The following CTSA variants were observed in gnomAD, a reference collection of about 807,000 sequenced individuals.
CTSA encodes the protein cathepsin A, also known as lysosomal protective protein.
CTSA carries 42 observed loss-of-function variants against 66.7 expected under a neutral mutation model. The observed-to-expected ratio is 0.63, with a 90% CI of 0.49 to 0.81. The LOEUF (loss-of-function observed/expected upper bound fraction) is 0.81, where lower values mean the gene tolerates loss of function less well. Among genes scored for constraint, CTSA ranks in the 40% least tolerant of loss-of-function variants. The pLI is 0.00. For missense variants in CTSA, 525 were observed against 610.9 expected, an observed-to-expected ratio of 0.86 and a Z score of 1.48; for synonymous variants, 225 against 248.6, an observed-to-expected ratio of 0.91 and a Z score of 0.89.
chr20:45,892,127 A>C, intron 3 of CTSA, 100 bp downstream of exon 3: 1 of 1,449,158 alleles, frequency 6.9e-7, no homozygotes, highest in Non-Finnish European at 9.7e-7. Flanking sequence ...CTTCCTTCTA[A>C]GCCTCGGGAT....
At chr20:45,896,925 G>A (rs1396700620) in intron 11 of CTSA, 40 bp from the exon 12 acceptor site, 4 of 1,561,568 alleles carry the variant, frequency 2.6e-6, no homozygotes, top group South Asian at 1.1e-5. Context: ...TTTTCGCCCC[G>A]ACCTGGTCTT....
In CTSA at chr20:45,894,904, G is replaced by A. The variant is rs764770095; in HGVS notation, c.948+3G>A. ...CACTCAAGCGGATGTGGCATCAGGT[G>A]TGCGAGGGCGTGGGCTTCCTCCTGG... is the stretch of plus-strand genomic sequence containing the variant. On this transcript the variant is annotated splice_donor_region_variant and intron_variant, in intron 10 of 14. Coordinates refer to ENST00000646241, the MANE Select transcript of CTSA (RefSeq NM_000308.4). The A allele has an allele frequency of 9.9e-6, 16 of 1,614,054 alleles. No individual in the cohort carries two copies. The highest frequency in any genetic ancestry group is 5.0e-5 in the Admixed American group (3 of 59,996).
chr20:45,897,814 A>G lies in CTSA; in HGVS notation c.1254+8A>G. 1.3e-6 allele frequency: 2 copies of G among 1,599,558 alleles called. No homozygotes were observed. The highest frequency in any genetic ancestry group is 1.7e-6 in the Non-Finnish European group (2 of 1,166,804). ...GATTCCCTCAACCAGAAGGTAAGGT[A>G]GAGATTCCTGGCCCTGGGATAGGGG... On this transcript the variant is annotated splice_region_variant and intron_variant, in intron 13 of 14. Transcript: ENST00000646241.
At chr20:45,893,414 G>T (rs1212928295) in intron 7 of CTSA, 103 bp downstream of exon 7, 1 of 865,034 alleles carries the variant, frequency 1.2e-6, no homozygotes, top group Non-Finnish European at 2.0e-6. Context: ...CCAGGTTTAT[G>T]AGCAGCAGGT....
At chr20:45,897,161 G>C (rs941795550) in intron 12 of CTSA, 121 bp downstream of exon 12, 48 of 850,018 alleles carry the variant, frequency 5.6e-5, no homozygotes, top group Non-Finnish European at 9.1e-5. Flanking sequence ...GAAAGGCGAA[G>C]CCCAGGGTCC....
Position 45,893,974 on chromosome 20 carries a change from C to A in CTSA, c.693-14C>A. 6.4e-7 allele frequency: 1 copy of A among 1,570,260 alleles called. No individual in the cohort carries two copies. The highest frequency in any genetic ancestry group is 8.8e-7 in the Non-Finnish European group (1 of 1,140,672). ...ACCAGCAGCTGATGCGCTTTTCACTCTCATCTCCTACAGGCTTTGGTCTTC... is the reference window on the plus strand; with the variant it reads ...ACCAGCAGCTGATGCGCTTTTCACTATCATCTCCTACAGGCTTTGGTCTTC... On this transcript the variant is annotated splice_polypyrimidine_tract_variant and intron_variant, in intron 7 of 14. Coordinates refer to ENST00000646241, the MANE Select transcript of CTSA (RefSeq NM_000308.4).
At chr20:45,894,155 T>A (rs1987117441) in intron 8 of CTSA, 83 bp downstream of exon 8, 1 of 978,950 alleles carries the variant, frequency 1.0e-6, no homozygotes, top group Non-Finnish European at 1.7e-6. Flanking sequence ...GGGGACTCCT[T>A]GTTCTCCGTC....
chr20:45,895,346 G>A, intron 11 of CTSA: 1 of 579,822 alleles, frequency 1.7e-6, no homozygotes, highest in South Asian at 2.1e-5. Flanking sequence ...TTTGAGACAA[G>A]GTCTCACTCT....
rs2083133497 is a variant in CTSA, at chr20:45,898,218, GC to G, written c.1359+113del. 2.2e-6 allele frequency: 3 copies of G among 1,367,554 alleles called. No individual in the cohort carries two copies. Among genetic ancestry groups the G allele is most frequent in the Admixed American group, 1.9e-5 (1 of 52,008 alleles). The allele number at this position is 1,367,554 out of a possible 1,614,324, so 84.7% of individuals were successfully genotyped here. A position where few individuals can be genotyped will look rare whatever the true frequency, so the allele number is the denominator to read the frequency against. On this transcript the variant is annotated intron_variant, in intron 14 of 14. Transcript: ENST00000646241. The surrounding 1 kb of genome is among the most constrained non-coding windows in gnomAD (Gnocchi z 4.6). ...AGGCTGGGTCATGGGTCACCATCTG[GC>G]CCCTGTATGGGCAAGTTTTTTTGGA...
In CTSA at chr20:45,892,262, T is replaced by C; in HGVS notation, c.307-11T>C. On this transcript the variant is annotated splice_polypyrimidine_tract_variant and intron_variant, in intron 3 of 14. Coordinates refer to ENST00000646241, the MANE Select transcript of CTSA (RefSeq NM_000308.4). ...CCTTGGGACTTACTCAGCCATCTCT[T>C]TCCTCCTCAGGTCCAGCCAGATGGT... 6.2e-7 allele frequency: 1 copy of C among 1,613,872 alleles called. No homozygotes were observed. The highest frequency in any genetic ancestry group is 8.5e-7 in the Non-Finnish European group (1 of 1,180,000).
intron 13 of CTSA, 52 bp from the exon 14 acceptor site, chr20:45,897,953 C>T: frequency 6.3e-7 from 1 of 1,593,030 alleles, no homozygotes; most frequent in Admixed American, 1.7e-5. Context: ...TTGCTGGTAG[C>T]TGTGAGCAAG....
At position 45,895,100 on chromosome 20, in the gene CTSA, T is replaced by C. The variant is rs762637848; in HGVS notation, c.1055T>C (p.Ile352Thr). The C allele has an allele frequency of 6.2e-7, 1 of 1,614,030 alleles. No homozygotes were observed. The highest frequency in any genetic ancestry group is 2.2e-5 in the East Asian group (1 of 44,874). ...NNPYVRKALN[I>T]PEQLPQWDMC... Reference sequence around the variant, plus strand: ...CCGTACGTGCGGAAGGCCCTCAACATCCCGGAGCAGCTGCCACAATGGGAC... The same window carrying C: ...CCGTACGTGCGGAAGGCCCTCAACACCCCGGAGCAGCTGCCACAATGGGAC... Residue 352 changes from isoleucine to threonine, a missense_variant, in exon 11 of 15, where the codon ATC becomes ACC. By Grantham distance (89) the Ile-to-Thr change is moderately conservative (BLOSUM62 -1). Transcript: ENST00000646241.
chr20:45,895,146 G>A lies in CTSA; in HGVS notation c.1088+13G>A. ...GGGACATGTGCAAGTGAGGTTCCGT[G>A]GCCACCTGTGACTTGGGGTGGTGGG... is the stretch of plus-strand genomic sequence containing the variant. On this transcript the variant is annotated intron_variant, in intron 11 of 14. Transcript: ENST00000646241. 2 of 1,613,996 alleles carry A rather than the reference G, an allele frequency of 1.2e-6. No homozygotes were observed. Among genetic ancestry groups the A allele is most frequent in the South Asian group, 1.1e-5 (1 of 91,080 alleles).
chr20:45,893,096 C>A, intron 6 of CTSA, 124 bp from the exon 7 acceptor site: 4 of 967,248 alleles, frequency 4.1e-6, no homozygotes, highest in South Asian at 1.4e-5. Flanking sequence ...CCTCTCATAC[C>A]CACCGGCCTA....
Position 45,892,496 on chromosome 20 carries a change from G to T in CTSA, c.444+12G>T. ...CTAATGACACTGAGGTGAGTCTGGT[G>T]CCTGCCCATCTGCCCCAGGCTCCCC... is the stretch of plus-strand genomic sequence containing the variant. On this transcript the variant is annotated intron_variant, in intron 5 of 14. Coordinates refer to ENST00000646241, the MANE Select transcript of CTSA (RefSeq NM_000308.4). 1 of 1,613,352 alleles carries T rather than the reference G, an allele frequency of 6.2e-7. No individual in the cohort carries two copies. Among genetic ancestry groups the T allele is most frequent in the Non-Finnish European group, 8.5e-7 (1 of 1,179,344 alleles).
At chr20:45,896,456 A>C in intron 11 of CTSA, 1 of 180,112 alleles carries the variant, frequency 5.6e-6, no homozygotes, top group Non-Finnish European at 1.2e-5. Flanking sequence ...TTTTTTTGAG[A>C]TGGAGTCTTG....
intron 7 of CTSA, 67 bp downstream of exon 7, chr20:45,893,378 C>A: frequency 8.3e-7 from 1 of 1,206,308 alleles, no homozygotes; most frequent in Non-Finnish European, 1.2e-6. Context: ...GTCTGTCCTC[C>A]AGGCACATGA....
chr20:45,897,839 G>A (rs757711402), intron 13 of CTSA, 33 bp downstream of exon 13: 2 of 1,547,196 alleles, frequency 1.3e-6, no homozygotes, highest in Non-Finnish European at 1.8e-6. Context: ...TGGGATAGGG[G>A]CTGCTGTGGA....
chr20:45,891,736 C>T lies in CTSA; in HGVS notation c.168C>T (p.Gly56=), dbSNP rs891163030. 6.2e-7 allele frequency: 1 copy of T among 1,613,642 alleles called. No individual in the cohort carries two copies. The highest frequency in any genetic ancestry group is 1.3e-5 in the African/African-American group (1 of 74,952). The change falls in exon 2 of 15, where the codon GGC becomes GGT. Residue 56 remains glycine, a synonymous_variant. Transcript: ENST00000646241. This position sits in a 1 kb window ranked among gnomAD's most constrained non-coding sequence, Gnocchi z 4.6. ...SFRQYSGYLK[G]SGSKHLHYWF... is the part of the protein sequence containing the mutation. The stretch of plus-strand genomic sequence containing the variant: ...GCCAGTACTCCGGCTACCTCAAAGG[C>T]TCCGGCTCCAAGCACCTCCACTACT...
Sources: allele counts gnomAD v4.1 joint callset, GRCh38; gene constraint gnomAD v4.1.1; non-coding constraint Gnocchi (gnomAD v3.1); transcripts MANE v1.5; gene names NCBI Gene and HGNC (gene_info 2026-07-23, HGNC 2026-07-21).